The following UCN3 variants were observed in gnomAD, a reference collection of about 807,000 sequenced individuals.
UCN3 encodes the protein urocortin 3, also known as urocortin-3.
UCN3 carries 3 observed loss-of-function variants against 3.6 expected under a neutral mutation model. That is an observed-to-expected ratio of 0.83 (90% CI 0.38 to 2.15). The LOEUF is 2.15. Ranked by LOEUF, UCN3 falls within the 30% of genes most tolerant of loss-of-function variation. UCN3 has a pLI of 0.06. For missense variants in UCN3, 206 were observed against 208.3 expected, an observed-to-expected ratio of 0.99 and a Z score of 0.07; for synonymous variants, 100 against 93.2, an observed-to-expected ratio of 1.07 and a Z score of -0.42.
At chr10:5,373,118 G>C (rs1831453138) in intron 1 of UCN3, among the ~76,000 whole-genome samples, 1 of 152,172 alleles carries the variant, frequency 6.6e-6, no homozygotes, top group African/African-American at 2.4e-5. Context: ...AAATCATAAA[G>C]TCTACAGTAA....
chr10:5,370,843 G>GTGTGCGCA (rs1218926941), intron 1 of UCN3, among the ~76,000 whole-genome samples: 2 of 78,968 alleles, frequency 2.5e-5, no homozygotes, highest in Non-Finnish European at 5.0e-5. Context: ...GTGTGCGCGT[G>GTGTGCGCA]TGTGTGCGCG....
chr10:5,370,756 T>A (rs1394453103), intron 1 of UCN3, among the ~76,000 whole-genome samples: 9 of 138,004 alleles, frequency 6.5e-5, no homozygotes, highest in Admixed American at 2.2e-4. Context: ...ATATGATGTG[T>A]GTGTATATGC....
intron 1 of UCN3, among the ~76,000 whole-genome samples, chr10:5,370,281 A>ATGTGCGTCTG (rs1831352629): frequency 1.6e-5 from 1 of 61,172 alleles, no homozygotes; most frequent in Non-Finnish European, 3.1e-5. Context: ...ATGCGTGTGT[A>ATGTGCGTCTG]TATGCGTGTG....
chr10:5,369,033 C>T (rs1167207351), intron 1 of UCN3, among the ~76,000 whole-genome samples: 1 of 152,108 alleles, frequency 6.6e-6, no homozygotes, highest in Non-Finnish European at 1.5e-5. Context: ...ACTCTTGGGA[C>T]GGGGCCCCGC....
rs1353028037 is a variant in UCN3 at position 5,365,057 on chromosome 10, C to A, written c.-180C>A. The A allele has an allele frequency of 6.6e-6, 1 of 152,200 alleles. No individual in the cohort carries two copies. Among genetic ancestry groups the A allele is most frequent in the East Asian group, 1.9e-4 (1 of 5,186 alleles). 9.4% of individuals were successfully genotyped at this position (152,200 alleles called of 1,614,324 possible). On this transcript the variant is annotated 5_prime_UTR_variant, in exon 1 of 2. Transcript: ENST00000380433. The surrounding 1 kb of genome is among the most constrained non-coding windows in gnomAD (Gnocchi z 4.4). ...TTTATATACACACAGGGGAGGGGAC[C>A]GTTTCCATAGAGAGGGAATATCACA...
rs1554811104 is a variant in UCN3, at chr10:5,370,105, GTGTA to G, written c.-6-3608_-6-3605del. Among the ~76,000 whole-genome samples, 7 of 100,600 alleles carry G rather than the reference GTGTA, an allele frequency of 7.0e-5. 1 individual carries two copies. Among genetic ancestry groups the G allele is most frequent in the Non-Finnish European group, 1.3e-4 (7 of 53,904 alleles). The allele number at this position is 100,600 out of a possible 152,430, so 66.0% of individuals were successfully genotyped here. ...TGTGTATATGCGTGTGTATATGCGTGTGTATATGTGTGTGTATGTGTGTGTATGT... is the reference window on the plus strand; with the variant it reads ...TGTGTATATGCGTGTGTATATGCGTGTATGTGTGTGTATGTGTGTGTATGT... On this transcript the variant is annotated intron_variant, in intron 1 of 1. Transcript: ENST00000380433.
chr10:5,370,443 GTA>G lies in UCN3; in HGVS notation c.-6-3270_-6-3269del, dbSNP rs201190953. On this transcript the variant is annotated intron_variant, in intron 1 of 1. Transcript: ENST00000380433. ...TGTATATGCGTGTGTATATGCGTGT[GTA>G]TGTGTGTGTGTATATGTGTGTATAT... is the stretch of plus-strand genomic sequence containing the variant. Among the ~76,000 whole-genome samples, 19 of 101,824 alleles carry G rather than the reference GTA, an allele frequency of 1.9e-4. 2 individuals are homozygous for G. Among genetic ancestry groups the G allele is most frequent in the Admixed American group, 3.5e-4 (3 of 8,520 alleles). 66.8% of individuals were successfully genotyped at this position (101,824 alleles called of 152,430 possible).
chr10:5,370,867 G>T (rs868993756), intron 1 of UCN3, among the ~76,000 whole-genome samples: 4 of 89,870 alleles, frequency 4.5e-5, no homozygotes, highest in East Asian at 3.7e-4. Flanking sequence ...GTGTGCGTGT[G>T]TATGTGTGTG....
chr10:5,370,144 C>CGT lies in UCN3; in HGVS notation c.-6-3566_-6-3565dup, dbSNP rs1479002625. 7.4e-3 allele frequency among the ~76,000 whole-genome samples: 64 copies of CGT among 8,656 alleles called. 22 individuals are homozygous for CGT. The highest frequency in any genetic ancestry group is 0.037 in the African/African-American group (61 of 1,628). 5.7% of individuals were successfully genotyped at this position (8,656 alleles called of 152,430 possible). A position where few individuals can be genotyped will look rare whatever the true frequency, so the allele number is the denominator to read the frequency against. On this transcript the variant is annotated intron_variant, in intron 1 of 1. Coordinates refer to ENST00000380433, the MANE Select transcript of UCN3 (RefSeq NM_053049.4). ...GTATGTGTGTGTATGTGTGTGTATG[C>CGT]GTGTGTATATGTGTGTGTATATGTG...
At position 5,367,398 on chromosome 10, in the gene UCN3, G is replaced by A. The variant is rs1324172580; in HGVS notation, c.-7+2168G>A. Among the ~76,000 whole-genome samples, 2 of 152,188 alleles carry A rather than the reference G, an allele frequency of 1.3e-5. No individual in the cohort carries two copies. Among genetic ancestry groups the A allele is most frequent in the Non-Finnish European group, 2.9e-5 (2 of 68,032 alleles). ...GCAGAGAGAATGTACATCCATGAAA[G>A]AATTTAAAAGAGGTTGTTTTGCTTT... is the stretch of plus-strand genomic sequence containing the variant. On this transcript the variant is annotated intron_variant, in intron 1 of 1. Transcript: ENST00000380433. The surrounding 1 kb of genome is among the most constrained non-coding windows in gnomAD (Gnocchi z 4.3).
In UCN3 at chr10:5,370,575, GTA is replaced by G. The variant is rs148992480; in HGVS notation, c.-6-3136_-6-3135del. 9.3e-4 allele frequency among the ~76,000 whole-genome samples: 93 copies of G among 100,178 alleles called. 12 individuals are homozygous for G. The highest frequency in any genetic ancestry group is 1.9e-3 in the East Asian group (5 of 2,626). 65.7% of individuals were successfully genotyped at this position (100,178 alleles called of 152,430 possible). On this transcript the variant is annotated intron_variant, in intron 1 of 1. Coordinates refer to ENST00000380433, the MANE Select transcript of UCN3 (RefSeq NM_053049.4). ...TGTGTATATGTGTGTGTATATGCGT[GTA>G]TATGTGTGTATATGTGTGTGTGTAT...
intron 1 of UCN3, among the ~76,000 whole-genome samples, chr10:5,370,378 C>CGTGTGTATATGTGT (rs1202021958): frequency 1.5e-4 from 1 of 6,770 alleles, no homozygotes; most frequent in Non-Finnish European, 2.4e-4. Context: ...TGTGTATATG[C>CGTGTGTATATGTGT]GTGTATATGC....
chr10:5,370,494 TGTGTATATGC>T (rs1358160055), intron 1 of UCN3, among the ~76,000 whole-genome samples: 2 of 127,604 alleles, frequency 1.6e-5, no homozygotes, highest in African/African-American at 3.0e-5. Context: ...TGTGTATGTG[TGTGTATATGC>T]GTGTGTATAT....
rs531260127 is a variant in UCN3 at position 5,367,956 on chromosome 10, G to A, written c.-7+2726G>A. ...GAGCCATGTGGAACCCACAGAGGGAGGCCTGAGGGTAGCTCCAGGGTTGCA... is the reference window on the plus strand; with the variant it reads ...GAGCCATGTGGAACCCACAGAGGGAAGCCTGAGGGTAGCTCCAGGGTTGCA... On this transcript the variant is annotated intron_variant, in intron 1 of 1. Coordinates refer to ENST00000380433, the MANE Select transcript of UCN3 (RefSeq NM_053049.4). This position sits in a 1 kb window ranked among gnomAD's most constrained non-coding sequence, Gnocchi z 4.3. 2.0e-5 allele frequency among the ~76,000 whole-genome samples: 3 copies of A among 152,148 alleles called. No individual in the cohort carries two copies. Among genetic ancestry groups the A allele is most frequent in the East Asian group, 1.9e-4 (1 of 5,178 alleles).
At chr10:5,370,395 A>ATATGTGTGTGTG (rs1831360692) in intron 1 of UCN3, among the ~76,000 whole-genome samples, 1 of 16,914 alleles carries the variant, frequency 5.9e-5, no homozygotes, top group Non-Finnish European at 1.1e-4. Context: ...ATGCGTGTGT[A>ATATGTGTGTGTG]TATGTGTGTG....
At chr10:5,371,775 T>C (rs1831431687) in intron 1 of UCN3, among the ~76,000 whole-genome samples, 1 of 152,180 alleles carries the variant, frequency 6.6e-6, no homozygotes, top group African/African-American at 2.4e-5. Flanking sequence ...AATCACCAGG[T>C]GATTTACTTA....
At chr10:5,370,687 A>ATG (rs782067775) in intron 1 of UCN3, among the ~76,000 whole-genome samples, 1 of 40,338 alleles carries the variant, frequency 2.5e-5, no homozygotes, top group African/African-American at 8.8e-5. Context: ...GTGTGTGTGT[A>ATG]TGTGTGTATA....
chr10:5,370,639 G>T (rs1366259406), intron 1 of UCN3, among the ~76,000 whole-genome samples: 1 of 93,004 alleles, frequency 1.1e-5, no homozygotes, highest in Non-Finnish European at 2.1e-5. Flanking sequence ...GTGTATGTGT[G>T]TGTATATGTG....
rs782818090 is a variant in UCN3, at chr10:5,374,249, G to C, written c.*43G>C. The C allele has an allele frequency of 5.7e-6, 3 of 525,546 alleles. No homozygotes were observed. Among genetic ancestry groups the C allele is most frequent in the Admixed American group, 6.6e-5 (2 of 30,208 alleles). 32.6% of individuals were successfully genotyped at this position (525,546 alleles called of 1,614,324 possible). ...GAGGGCAGCGGGGTGGGGAGGGGGA[G>C]GGGAGGGGGAGGGGAGGGCGAGGGG... On this transcript the variant is annotated 3_prime_UTR_variant, in exon 2 of 2. Coordinates refer to ENST00000380433, the MANE Select transcript of UCN3 (RefSeq NM_053049.4).
Sources: allele counts gnomAD v4.1 joint callset (sites outside exome capture counted in the v4.1 genomes callset), GRCh38; gene constraint gnomAD v4.1.1; non-coding constraint Gnocchi (gnomAD v3.1); transcripts MANE v1.5; gene names NCBI Gene and HGNC (gene_info 2026-07-23, HGNC 2026-07-21).